Variants in AFAP1 observed in about 807,000 individuals in gnomAD.
AFAP1 encodes actin filament associated protein 1, also known as actin filament-associated protein 1.
In AFAP1, 75 loss-of-function variants were observed where a neutral mutation model predicts 93.9. The observed-to-expected ratio is 0.80, with a 90% CI of 0.66 to 0.97. The LOEUF (loss-of-function observed/expected upper bound fraction) is 0.97, where lower values mean the gene tolerates loss of function less well. Ranked by LOEUF, AFAP1 falls within the 50% of genes least tolerant of loss-of-function variation. The pLI, the probability that AFAP1 is intolerant of heterozygous loss-of-function variation, is 0.00. For missense variants in AFAP1, 1,201 were observed against 1,050.8 expected (o/e 1.14, Z -1.98); for synonymous variants, 517 against 430.7 (o/e 1.20, Z -2.48).
chr4:7,823,034 A>T (rs916614282), intron 6 of AFAP1, among the ~76,000 whole-genome samples: 6 of 151,838 alleles, frequency 4.0e-5, no homozygotes, highest in African/African-American at 1.2e-4. Context: ...TTATATAGCT[A>T]AATAGAACTC....
At chr4:7,807,424 C>T (rs936826436) in intron 9 of AFAP1, among the ~76,000 whole-genome samples, 4 of 152,296 alleles carry the variant, frequency 2.6e-5, no homozygotes, top group East Asian at 1.9e-4. Context: ...CTCCCCATTC[C>T]GTGCTACAGC....
intron 3 of AFAP1, among the ~76,000 whole-genome samples, chr4:7,857,357 C>T (rs76033397): frequency 1.5e-3 from 231 of 152,310 alleles, no homozygotes; most frequent in Non-Finnish European, 2.5e-3. Flanking sequence ...TCAACCCACT[C>T]CTTCCTCTCA....
intron 1 of AFAP1, among the ~76,000 whole-genome samples, chr4:7,915,041 A>T (rs1720007344): frequency 6.6e-6 from 1 of 151,820 alleles, no homozygotes; most frequent in South Asian, 2.1e-4. Context: ...TGATCCACCG[A>T]CCCAGCTAAT....
At chr4:7,827,723 C>A (rs979610452) in intron 6 of AFAP1, among the ~76,000 whole-genome samples, 2 of 151,898 alleles carry the variant, frequency 1.3e-5, no homozygotes, top group Admixed American at 6.6e-5. Flanking sequence ...CACCACCGCA[C>A]TGAGACACAT....
At chr4:7,842,352 A>G (rs1023478394) in intron 5 of AFAP1, among the ~76,000 whole-genome samples, 21 of 150,948 alleles carry the variant, frequency 1.4e-4, no homozygotes, top group African/African-American at 4.8e-4. Flanking sequence ...GCTCCACTAG[A>G]GTGCTCTACA....
At position 7,874,564 on chromosome 4, in the gene AFAP1, T is replaced by A. The variant is rs978801476; in HGVS notation, c.-2-2484A>T. ...TTTTTTTTTTTTTTTTTTTTTTTTT[T>A]AGTAGAAACAGGGTTTCACCATGTT... is the stretch of plus-strand genomic sequence containing the variant. On this transcript the variant is annotated intron_variant, in intron 1 of 17. Transcript: ENST00000420658. Among the ~76,000 whole-genome samples, 431 of 117,408 alleles carry A rather than the reference T, an allele frequency of 3.7e-3. 1 individual carries two copies. Among genetic ancestry groups the A allele is most frequent in the Non-Finnish European group, 6.0e-3 (340 of 57,050 alleles). 77.0% of individuals were successfully genotyped at this position (117,408 alleles called of 152,430 possible). A position where few individuals can be genotyped will look rare whatever the true frequency, so the allele number is the denominator to read the frequency against.
intron 5 of AFAP1, chr4:7,842,746 G>C (rs1304995135): frequency 6.2e-6 from 1 of 162,032 alleles, no homozygotes; most frequent in Non-Finnish European, 1.3e-5. Flanking sequence ...TCCTTTCCTG[G>C]CTGCTCCCCG....
intron 4 of AFAP1, among the ~76,000 whole-genome samples, chr4:7,847,571 G>A (rs1713861336): frequency 6.6e-6 from 1 of 152,246 alleles, no homozygotes; most frequent in African/African-American, 2.4e-5. Context: ...TCACTTGGTA[G>A]CTCCACCAGC....
chr4:7,845,339 T>C (rs1481646592), intron 4 of AFAP1, among the ~76,000 whole-genome samples: 1 of 152,084 alleles, frequency 6.6e-6, no homozygotes, highest in Non-Finnish European at 1.5e-5. Flanking sequence ...GGAGGATCAC[T>C]TGAGCCCAGG....
In AFAP1 at chr4:7,922,767, T is replaced by A. The variant is rs1720507551; in HGVS notation, c.-3+16889A>T. On this transcript the variant is annotated intron_variant, in intron 1 of 17. Transcript: ENST00000420658. ...CAGAGGCTGAGGTGAGAGGACTGCT[T>A]GAGGCCAGGAGTTTGAAACCACTCT... is the stretch of plus-strand genomic sequence containing the variant. Among the ~76,000 whole-genome samples, 3 of 152,290 alleles carry A rather than the reference T, an allele frequency of 2.0e-5. No homozygotes were observed. The South Asian group carries it at 6.2e-4, about 32-fold the overall frequency.
At chr4:7,824,262 T>C (rs1248007846) in intron 6 of AFAP1, among the ~76,000 whole-genome samples, 2 of 152,222 alleles carry the variant, frequency 1.3e-5, no homozygotes, top group Admixed American at 6.5e-5. Context: ...CAAATTGTTA[T>C]ATATTTTGTG....
intron 3 of AFAP1, among the ~76,000 whole-genome samples, chr4:7,862,823 T>A (rs1347500117): frequency 6.6e-6 from 1 of 151,720 alleles, no homozygotes; most frequent in Non-Finnish European, 1.5e-5. Flanking sequence ...CCAAAAGGAG[T>A]CTAGCTTGCC....
At position 7,908,791 on chromosome 4, in the gene AFAP1, G is replaced by A. The variant is rs187067043; in HGVS notation, c.-3+30865C>T. 1.8e-3 allele frequency among the ~76,000 whole-genome samples: 281 copies of A among 152,340 alleles called. 1 individual carries two copies. The highest frequency in any genetic ancestry group is 6.6e-3 in the African/African-American group (274 of 41,576). ...CCTGTTCTTGTCTGGATGATGCATAGTTAACGAAGTCTGAGTGCTTCGTAT... is the reference window on the plus strand; with the variant it reads ...CCTGTTCTTGTCTGGATGATGCATAATTAACGAAGTCTGAGTGCTTCGTAT... On this transcript the variant is annotated intron_variant, in intron 1 of 17. Coordinates refer to ENST00000420658, the MANE Select transcript of AFAP1 (RefSeq NM_001134647.2).
At chr4:7,857,992 A>G (rs960188923) in intron 3 of AFAP1, among the ~76,000 whole-genome samples, 2 of 152,234 alleles carry the variant, frequency 1.3e-5, no homozygotes, top group African/African-American at 4.8e-5. Context: ...CATATGAAAA[A>G]AACCACATAA....
At chr4:7,821,104 G>A (rs547196802) in intron 6 of AFAP1, among the ~76,000 whole-genome samples, 1 of 152,302 alleles carries the variant, frequency 6.6e-6, no homozygotes, top group South Asian at 2.1e-4. Flanking sequence ...GGCGACAAGA[G>A]TGAAACTCCA....
intron 11 of AFAP1, among the ~76,000 whole-genome samples, chr4:7,786,902 T>C (rs1717314880): frequency 6.6e-6 from 1 of 152,216 alleles, no homozygotes; most frequent in Non-Finnish European, 1.5e-5. Context: ...ATTCAACAAA[T>C]ATTTATGGAG....
At chr4:7,823,442 T>G (rs1261196026) in intron 6 of AFAP1, among the ~76,000 whole-genome samples, 1 of 147,886 alleles carries the variant, frequency 6.8e-6, no homozygotes, top group Non-Finnish European at 1.5e-5. Flanking sequence ...AGTGTTGTTT[T>G]GTGTGTTTTT....
chr4:7,796,779 G>C (rs1380759133), intron 10 of AFAP1, among the ~76,000 whole-genome samples: 3 of 148,192 alleles, frequency 2.0e-5, no homozygotes, highest in Non-Finnish European at 4.5e-5. Context: ...AAAACTATGG[G>C]TTGGGCACGG....
intron 4 of AFAP1, among the ~76,000 whole-genome samples, chr4:7,850,877 C>T (rs1222789438): frequency 6.6e-6 from 1 of 152,236 alleles, no homozygotes; most frequent in Non-Finnish European, 1.5e-5. Context: ...ATCGTTTACC[C>T]TTGACCTCCT....
Sources: gnomAD v4.1 joint callset for allele counts (sites outside exome capture counted in the v4.1 genomes callset) on GRCh38, gnomAD v4.1.1 for gene constraint, MANE v1.5 for transcripts, NCBI Gene and HGNC (gene_info 2026-07-23, HGNC 2026-07-21) for gene names.